The following RFTN2 variants were observed in gnomAD, a reference collection of about 807,000 sequenced individuals.
RFTN2 encodes raftlin-2.
RFTN2 carries 34 observed loss-of-function variants against 52.7 expected under a neutral mutation model. That is an observed-to-expected ratio of 0.64 (90% confidence interval 0.49 to 0.86). The LOEUF (loss-of-function observed/expected upper bound fraction) is 0.86. Ranked by LOEUF, RFTN2 falls within the 40% of genes least tolerant of loss-of-function variation. RFTN2 has a pLI of 0.00. For missense variants in RFTN2, 536 were observed against 600.1 expected (o/e 0.89, Z 1.12); for synonymous variants, 203 against 217.7 (o/e 0.93, Z 0.59).
chr2:197,600,843 T>C (rs1303697314), intron 7 of RFTN2, among the ~76,000 whole-genome samples: 1 of 152,230 alleles, frequency 6.6e-6, no homozygotes, highest in Non-Finnish European at 1.5e-5. Context: ...TGGACAGTCA[T>C]GCTTTGATGT....
intron 7 of RFTN2, among the ~76,000 whole-genome samples, chr2:197,599,461 T>C (rs1013518073): frequency 6.6e-6 from 1 of 152,022 alleles, no homozygotes; most frequent in Admixed American, 6.6e-5. Context: ...CAACCCCAAA[T>C]TATGAAAGAG....
At chr2:197,621,366 A>G (rs1198839061) in intron 5 of RFTN2, among the ~76,000 whole-genome samples, 4 of 113,210 alleles carry the variant, frequency 3.5e-5, no homozygotes, top group African/African-American at 6.8e-5. Flanking sequence ...ACCTTGCTTT[A>G]TTGTGCTTTG....
chr2:197,645,850 C>A (rs2088740364), intron 2 of RFTN2, among the ~76,000 whole-genome samples: 1 of 152,056 alleles, frequency 6.6e-6, no homozygotes, highest in African/African-American at 2.4e-5. Flanking sequence ...CATGGTGAAA[C>A]CCCATCTGTA....
chr2:197,640,116 G>A (rs1429087029), intron 3 of RFTN2, among the ~76,000 whole-genome samples: 11 of 152,254 alleles, frequency 7.2e-5, no homozygotes, highest in Admixed American at 7.2e-4. Flanking sequence ...CCAGCTGCGT[G>A]CTGGGAGAAC....
chr2:197,634,034 A>C, intron 3 of RFTN2, 37 bp from the exon 4 acceptor site: 1 of 1,540,266 alleles, frequency 6.5e-7, no homozygotes, highest in South Asian at 1.2e-5. Flanking sequence ...CAAAATGTAA[A>C]CTCTATTTTC....
intron 7 of RFTN2, among the ~76,000 whole-genome samples, chr2:197,600,316 A>G (rs1054126434): frequency 6.6e-6 from 1 of 152,168 alleles, no homozygotes; most frequent in Non-Finnish European, 1.5e-5. Flanking sequence ...CAGATGCTCA[A>G]ATAAGACTTT....
chr2:197,641,934 G>A (rs1358099321), intron 3 of RFTN2, among the ~76,000 whole-genome samples: 1 of 152,158 alleles, frequency 6.6e-6, no homozygotes, highest in Admixed American at 6.5e-5. Context: ...CTGTGTCCAG[G>A]AAGTCAAATG....
At chr2:197,589,893 C>T (rs1438415278) in intron 8 of RFTN2, among the ~76,000 whole-genome samples, 1 of 151,912 alleles carries the variant, frequency 6.6e-6, no homozygotes, top group East Asian at 1.9e-4. Flanking sequence ...ATAGATTATG[C>T]TTTTGGTCTT....
intron 1 of RFTN2, among the ~76,000 whole-genome samples, chr2:197,657,763 T>C (rs2088913944): frequency 1.3e-5 from 2 of 152,304 alleles, no homozygotes; most frequent in South Asian, 4.1e-4. Context: ...GGAGTTGTAA[T>C]GTAAACACTG....
In RFTN2 at chr2:197,575,380, G is replaced by A. The variant is rs74385194; in HGVS notation, c.1234-3100C>T. Among the ~76,000 whole-genome samples the A allele has an allele frequency of 9.1e-3, 1,393 of 152,298 alleles. 28 individuals are homozygous for A. The highest frequency in any genetic ancestry group is 0.032 in the African/African-American group (1,324 of 41,562). ...AATTCAGACTGAGTTTATTTTGAGCGAGTGTCTAGAATGTCTTCAAGGGTG... is the reference window on the plus strand; with the variant it reads ...AATTCAGACTGAGTTTATTTTGAGCAAGTGTCTAGAATGTCTTCAAGGGTG... On this transcript the variant is annotated intron_variant, in intron 8 of 8. Transcript: ENST00000295049.
intron 1 of RFTN2, among the ~76,000 whole-genome samples, chr2:197,650,593 A>G (rs1324037962): frequency 6.6e-6 from 1 of 152,182 alleles, no homozygotes; most frequent in Non-Finnish European, 1.5e-5. Context: ...AATGTCCTCA[A>G]GGTTCATCCA....
Position 197,624,812 on chromosome 2 carries a change from T to C in RFTN2, c.928+6199A>G, listed in dbSNP as rs1427040288. ...CCTGTCTCTAAAAAAATAGCCAGTG[T>C]GGTGGTGCACACCTTGGTCCCAGCT... On this transcript the variant is annotated intron_variant, in intron 5 of 8. Coordinates refer to ENST00000295049, the MANE Select transcript of RFTN2 (RefSeq NM_144629.3). 2.0e-5 allele frequency among the ~76,000 whole-genome samples: 3 copies of C among 151,948 alleles called. No homozygotes were observed. In the East Asian group the frequency reaches 5.8e-4, roughly 29 times the overall value.
chr2:197,638,849 T>A (rs1244006456), intron 3 of RFTN2, among the ~76,000 whole-genome samples: 1 of 149,728 alleles, frequency 6.7e-6, no homozygotes, highest in African/African-American at 2.5e-5. Flanking sequence ...GGTCTTTACA[T>A]TTTGGCATGA....
chr2:197,572,055 C>T lies in RFTN2; in HGVS notation c.1459G>A (p.Gly487Arg), dbSNP rs371000140. ...SDNVLRELDDGQFDQEDGVTQ... is the reference protein window; with the variant it reads ...SDNVLRELDDRQFDQEDGVTQ... ...ACTCCATCTTCCTGATCAAACTGTC[C>T]GTCGTCTAATTCCCGGAGGACGTTG... Residue 487 changes from glycine to arginine, a missense_variant, in exon 9 of 9, where the codon GGA becomes AGA. Gly to Arg is a moderately radical substitution (Grantham distance 125). Coordinates refer to ENST00000295049, the MANE Select transcript of RFTN2 (RefSeq NM_144629.3). The T allele has an allele frequency of 3.4e-5, 55 of 1,614,068 alleles. No individual in the cohort carries two copies. Among genetic ancestry groups the T allele is most frequent in the Admixed American group, 2.8e-4 (17 of 60,002 alleles).
rs560182134 is a variant in RFTN2 at position 197,568,520 on chromosome 2, T to C, written c.*3488A>G. ...GATGATAGATTACCAGCAAATGTTA[T>C]TTAAATTGATATGTTACAAGTTCTG... is the stretch of plus-strand genomic sequence containing the variant. On this transcript the variant is annotated 3_prime_UTR_variant, in exon 9 of 9. Transcript: ENST00000295049. 1.1e-4 allele frequency: 16 copies of C among 152,362 alleles called. No homozygotes were observed. Among genetic ancestry groups the C allele is most frequent in the Admixed American group, 5.2e-4 (8 of 15,302 alleles). 9.4% of individuals were successfully genotyped at this position (152,362 alleles called of 1,614,324 possible).
In RFTN2 at chr2:197,572,067, C is replaced by T. The variant is rs1243777052; in HGVS notation, c.1447G>A (p.Glu483Lys). The change falls in exon 9 of 9, where the codon GAA becomes AAA. Residue 483 changes from glutamate to lysine, a missense_variant. Physicochemically the swap from Glu to Lys is moderately conservative, Grantham distance 56. Coordinates refer to ENST00000295049, the MANE Select transcript of RFTN2 (RefSeq NM_144629.3). ...GFSSSDNVLR[E>K]LDDGQFDQED... ...TGATCAAACTGTCCGTCGTCTAATT[C>T]CCGGAGGACGTTGTCACTGCTGCTG... 1 of 1,614,196 alleles carries T rather than the reference C, an allele frequency of 6.2e-7. No homozygotes were observed. The highest frequency in any genetic ancestry group is 8.5e-7 in the Non-Finnish European group (1 of 1,180,036).
At chr2:197,629,237 C>T (rs1472878469) in intron 5 of RFTN2, among the ~76,000 whole-genome samples, 3 of 152,166 alleles carry the variant, frequency 2.0e-5, no homozygotes, top group East Asian at 3.8e-4. Context: ...AAATGTGGCA[C>T]ATATACACCA....
intron 1 of RFTN2, among the ~76,000 whole-genome samples, chr2:197,656,932 C>A (rs916983031): frequency 2.0e-5 from 3 of 152,098 alleles, no homozygotes; most frequent in Non-Finnish European, 2.9e-5. Flanking sequence ...GGAGAACACT[C>A]AAAGCCTCAT....
intron 8 of RFTN2, among the ~76,000 whole-genome samples, chr2:197,589,803 T>C (rs1043832675): frequency 6.6e-6 from 1 of 152,232 alleles, no homozygotes; most frequent in Admixed American, 6.5e-5. Flanking sequence ...GTTTGTGGCT[T>C]GTCTTTTCCT....
Sources: gnomAD v4.1 joint callset for allele counts (sites outside exome capture counted in the v4.1 genomes callset) on GRCh38, gnomAD v4.1.1 for gene constraint, MANE v1.5 for transcripts, NCBI Gene and HGNC (gene_info 2026-07-23, HGNC 2026-07-21) for gene names.